THSD7A: variants seen among roughly 807,000 people sequenced by gnomAD.
THSD7A encodes thrombospondin type-1 domain-containing protein 7A.
THSD7A carries 96 observed loss-of-function variants against 231.3 expected under a neutral mutation model. The ratio of observed to expected loss-of-function variants is 0.41; its 90% CI spans 0.35 to 0.49. The LOEUF (loss-of-function observed/expected upper bound fraction) is 0.49. Ranked by LOEUF, THSD7A falls within the 20% of genes least tolerant of loss-of-function variation. The pLI is 0.05. For synonymous variants in THSD7A, 940 were observed against 743.3 expected (o/e 1.26, Z -4.30); for missense variants, 2,290 against 2,070.2 (o/e 1.11, Z -2.06).
At chr7:11,668,120 A>G (rs1463801606) in intron 1 of THSD7A, among the ~76,000 whole-genome samples, 1 of 125,050 alleles carries the variant, frequency 8.0e-6, no homozygotes, top group East Asian at 2.3e-4. Context: ...CTGGATGTGA[A>G]ATCTATTATT....
intron 1 of THSD7A, among the ~76,000 whole-genome samples, chr7:11,641,360 A>G (rs1782073996): frequency 6.6e-6 from 1 of 152,114 alleles, no homozygotes; most frequent in Admixed American, 6.5e-5. Flanking sequence ...TAGTTTATAG[A>G]TCTTAATATC....
chr7:11,827,766 T>C (rs1484658454), intron 1 of THSD7A, among the ~76,000 whole-genome samples: 1 of 152,204 alleles, frequency 6.6e-6, no homozygotes, highest in Non-Finnish European at 1.5e-5. Flanking sequence ...CCATGAGATA[T>C]ATTGGTCTAA....
At chr7:11,768,254 G>A (rs73298456) in intron 1 of THSD7A, among the ~76,000 whole-genome samples, 5,214 of 152,186 alleles carry the variant, frequency 0.034, 283 homozygotes, top group African/African-American at 0.12. Context: ...AATGCTAGTT[G>A]TCCAACAATA....
chr7:11,671,338 C>T (rs1783384302), intron 1 of THSD7A, among the ~76,000 whole-genome samples: 1 of 152,092 alleles, frequency 6.6e-6, no homozygotes, highest in Admixed American at 6.6e-5. Flanking sequence ...TTTTCAGTCC[C>T]AGGCACAATT....
At chr7:11,618,339 T>G (rs1781179084) in intron 2 of THSD7A, among the ~76,000 whole-genome samples, 1 of 152,180 alleles carries the variant, frequency 6.6e-6, no homozygotes, top group South Asian at 2.1e-4. Context: ...TATATACACG[T>G]AAGATGTATA....
chr7:11,431,051 T>G (rs1784464016), intron 13 of THSD7A, among the ~76,000 whole-genome samples: 1 of 152,184 alleles, frequency 6.6e-6, no homozygotes, highest in Admixed American at 6.6e-5. Context: ...TCACTTAGCT[T>G]TTTCAGGAAG....
chr7:11,709,556 G>T (rs1387868740), intron 1 of THSD7A, among the ~76,000 whole-genome samples: 1 of 150,784 alleles, frequency 6.6e-6, no homozygotes, highest in Non-Finnish European at 1.5e-5. Context: ...ATCTCCAACT[G>T]CTGTCTCTTT....
Position 11,474,243 on chromosome 7 carries a change from A to G in THSD7A, c.2252+91T>C, listed in dbSNP as rs1786053425. On this transcript the variant is annotated intron_variant, in intron 8 of 27. Transcript: ENST00000423059. The surrounding 1 kb of genome is among the most constrained non-coding windows in gnomAD (Gnocchi z 4.1). ...TTGAGGACAGGTATGACAAGCATCA[A>G]AATGTTCCATTTCATGAAGCCAGTG... The G allele has an allele frequency of 1.8e-6, 2 of 1,108,856 alleles. No individual in the cohort carries two copies. The highest frequency in any genetic ancestry group is 2.5e-5 in the Admixed American group (1 of 39,892). 68.7% of individuals were successfully genotyped at this position (1,108,856 alleles called of 1,614,324 possible).
At chr7:11,643,565 T>C (rs1212224975) in intron 1 of THSD7A, among the ~76,000 whole-genome samples, 1 of 150,086 alleles carries the variant, frequency 6.7e-6, no homozygotes, top group Non-Finnish European at 1.5e-5. Flanking sequence ...CATAATGTGC[T>C]ATAATTCCAT....
intron 1 of THSD7A, among the ~76,000 whole-genome samples, chr7:11,829,355 A>G (rs1785123979): frequency 6.6e-6 from 1 of 152,086 alleles, no homozygotes; most frequent in African/African-American, 2.4e-5. Context: ...TTAGGGGTTA[A>G]AAAGGCCCTT....
chr7:11,540,280 T>C (rs75912172), intron 6 of THSD7A, among the ~76,000 whole-genome samples: 11,179 of 152,250 alleles, frequency 0.073, 623 homozygotes, highest in East Asian at 0.17. Context: ...CTGTCTCGCA[T>C]GACTATATTA....
At chr7:11,591,610 G>C (rs376900533) in intron 3 of THSD7A, among the ~76,000 whole-genome samples, 2 of 152,148 alleles carry the variant, frequency 1.3e-5, no homozygotes, top group African/African-American at 4.8e-5. Flanking sequence ...GTAAGGTTTT[G>C]TGACAGTAAA....
chr7:11,794,647 T>C (rs1022864888), intron 1 of THSD7A, among the ~76,000 whole-genome samples: 4 of 151,990 alleles, frequency 2.6e-5, no homozygotes, highest in African/African-American at 9.7e-5. Context: ...CAGTAAGCTT[T>C]AATATCATCG....
chr7:11,507,427 C>T (rs1345220076), intron 6 of THSD7A, among the ~76,000 whole-genome samples: 2 of 152,048 alleles, frequency 1.3e-5, no homozygotes, highest in Non-Finnish European at 2.9e-5. Flanking sequence ...AATTTGTATG[C>T]CCGAATACTA....
intron 1 of THSD7A, among the ~76,000 whole-genome samples, chr7:11,696,524 C>T (rs1279529346): frequency 6.6e-6 from 1 of 151,334 alleles, no homozygotes; most frequent in Non-Finnish European, 1.5e-5. Flanking sequence ...CACCTCTCAA[C>T]CCATCATCTA....
chr7:11,636,115 T>C lies in THSD7A; in HGVS notation c.1022+15A>G, dbSNP rs1242446842. ...ACAGACAAGCCTGTGTAGTTAACAGTAATTAAAATGTTACCTTAAATCAGC... is the reference window on the plus strand; with the variant it reads ...ACAGACAAGCCTGTGTAGTTAACAGCAATTAAAATGTTACCTTAAATCAGC... On this transcript the variant is annotated intron_variant, in intron 2 of 27. Transcript: ENST00000423059. This position sits in a 1 kb window ranked among gnomAD's most constrained non-coding sequence, Gnocchi z 10.0. 1.3e-6 allele frequency: 2 copies of C among 1,596,016 alleles called. No individual in the cohort carries two copies. The highest frequency in any genetic ancestry group is 1.7e-6 in the Non-Finnish European group (2 of 1,169,728).
At chr7:11,486,160 A>T (rs1786647923) in intron 6 of THSD7A, among the ~76,000 whole-genome samples, 2 of 152,230 alleles carry the variant, frequency 1.3e-5, no homozygotes, top group South Asian at 4.1e-4. Context: ...GGTTAATTGA[A>T]TCTTACTTAT....
chr7:11,530,621 G>C (rs1407720126), intron 6 of THSD7A, among the ~76,000 whole-genome samples: 1 of 152,126 alleles, frequency 6.6e-6, no homozygotes, highest in Non-Finnish European at 1.5e-5. Flanking sequence ...GAAGGGAGGG[G>C]TAGAAAAGCC....
intron 1 of THSD7A, among the ~76,000 whole-genome samples, chr7:11,723,330 T>C (rs1284673072): frequency 6.2e-5 from 3 of 48,398 alleles, no homozygotes; most frequent in Admixed American, 3.2e-4. Flanking sequence ...TGTTGTGGGG[T>C]AGGGGGAGGG....
Sources: gnomAD v4.1 joint callset for allele counts (sites outside exome capture counted in the v4.1 genomes callset) on GRCh38, gnomAD v4.1.1 for gene constraint, Gnocchi (gnomAD v3.1) non-coding constraint, MANE v1.5 for transcripts, NCBI Gene and HGNC (gene_info 2026-07-23, HGNC 2026-07-21) for gene names.